SYCP2: variants seen among roughly 807,000 people sequenced by gnomAD.
SYCP2 encodes the protein synaptonemal complex protein 2.
Under a neutral mutation model 211.3 loss-of-function variants are expected in SYCP2, and 55 were observed. That is an observed-to-expected ratio of 0.26 (90% CI 0.21 to 0.33). The LOEUF is 0.33. Ranked by LOEUF, SYCP2 falls within the 10% of genes least tolerant of loss-of-function variation. The pLI is 1.00. For missense variants in SYCP2, 1,731 were observed against 1,752.0 expected (o/e 0.99, Z 0.21); for synonymous variants, 570 against 555.2 (o/e 1.03, Z -0.37).
chr20:59,932,919 T>C (rs1363043363), intron 1 of SYCP2, among the ~76,000 whole-genome samples: 4 of 151,898 alleles, frequency 2.6e-5, no homozygotes, highest in African/African-American at 9.7e-5. Context: ...TTGCGCGCAC[T>C]CCCTTCTTCC....
At chr20:59,912,352 T>TTAAATAAA (rs1491540240) in intron 13 of SYCP2, 21 bp downstream of exon 13, 1 of 909,742 alleles carries the variant, frequency 1.1e-6, no homozygotes, top group East Asian at 2.9e-5. Flanking sequence ...ACTAAAATAA[T>TTAAATAAA]GTGTTAAATT....
chr20:59,893,194 G>A lies in SYCP2; in HGVS notation c.1741C>T (p.Leu581Phe), dbSNP rs760759938. 6.3e-7 allele frequency: 1 copy of A among 1,595,500 alleles called. No individual in the cohort carries two copies. Reference protein sequence around the residue: ...VEFPNQNFSELQDVIPDSQAA... With the variant: ...VEFPNQNFSEFQDVIPDSQAA... ...TGTGAATCTGGTATAACATCCTGGA[G>A]TTCACCTAAATAAAACAAATATTAT... Residue 581 changes from leucine (L) to phenylalanine (F), a missense_variant, in exon 22 of 45, where the codon CTC becomes TTC. Around this residue, in one of 3 missense-constraint regions of SYCP2, gnomAD observed 1,387 missense variants for 1,351.3 expected, o/e 1.03. Coordinates refer to ENST00000357552, the MANE Select transcript of SYCP2 (RefSeq NM_014258.4).
chr20:59,919,493 C>T lies in SYCP2; in HGVS notation c.402G>A (p.Leu134=). ...TCAGTGTAATCAATGTGATTTTTAC[C>T]AGCAGAAGATCAACTAAGTCTTCTA... The part of the protein sequence containing the change: ...NMIEDLVDLL[L]VIHDVSDEGK... Residue 134 remains leucine (L), a splice_region_variant and synonymous_variant, in exon 6 of 45, where the codon CTG becomes CTA. Transcript: ENST00000357552. The T allele has an allele frequency of 1.3e-6, 2 of 1,562,258 alleles. No individual in the cohort carries two copies. Among genetic ancestry groups the T allele is most frequent in the South Asian group, 1.1e-5 (1 of 88,262 alleles).
In SYCP2 at chr20:59,878,033, T is replaced by C; in HGVS notation, c.2954A>G (p.Glu985Gly). The C allele has an allele frequency of 8.1e-6, 13 of 1,606,170 alleles. No individual in the cohort carries two copies. The highest frequency in any genetic ancestry group is 1.1e-5 in the Non-Finnish European group (13 of 1,175,448). The change falls in exon 32 of 45, where the codon GAA (glutamate) becomes GGA (glycine). Residue 985 changes from glutamate to glycine, a missense_variant. Coordinates refer to ENST00000357552, the MANE Select transcript of SYCP2 (RefSeq NM_014258.4). The stretch of plus-strand genomic sequence containing the variant: ...CATTTTAGAGCTTGGCTGTCCCTTT[T>C]CCAAGGATGATCCTGTAATTCAGAA... The part of the protein sequence containing the change: ...HKSGKSRSSL[E>G]KGQPSSKMTP...
rs370201895 is a variant in SYCP2, at chr20:59,900,180, G to A, written c.1362C>T (p.Ile454=). ...TTCTATTCCCTTTGTCACTGTTTTT[G>A]ATATATTTTGAAGGTTTAGCAAATT... ...PKEFAKPSKY[I]KNSDKGNRNN... The change falls in exon 18 of 45, where the codon ATC becomes ATT. Residue 454 remains isoleucine (I), a synonymous_variant. Coordinates refer to ENST00000357552, the MANE Select transcript of SYCP2 (RefSeq NM_014258.4). 6 of 1,612,888 alleles carry A rather than the reference G, an allele frequency of 3.7e-6. No individual in the cohort carries two copies. The African/African-American group carries it at 8.0e-5, about 22-fold the overall frequency.
Position 59,933,538 on chromosome 20 carries a change from G to A in SYCP2, c.-140+31C>T, listed in dbSNP as rs751854146. On this transcript the variant is annotated intron_variant, in intron 1 of 44. Transcript: ENST00000357552. ...CCTCCCTCCGCGCCCCGCCGTGGGGGAAGCCCACCCAGGCACTCTGCTCAA... is the reference window on the plus strand; with the variant it reads ...CCTCCCTCCGCGCCCCGCCGTGGGGAAAGCCCACCCAGGCACTCTGCTCAA... The A allele has an allele frequency of 2.4e-3, 360 of 152,264 alleles. 1 individual carries two copies. Among genetic ancestry groups the A allele is most frequent in the Non-Finnish European group, 1.9e-3 (132 of 68,070 alleles). The allele number at this position is 152,264 out of a possible 1,614,324, so 9.4% of individuals were successfully genotyped here.
intron 24 of SYCP2, among the ~76,000 whole-genome samples, chr20:59,887,757 A>G (rs1470776652): frequency 1.3e-5 from 2 of 152,132 alleles, no homozygotes; most frequent in Non-Finnish European, 2.9e-5. Flanking sequence ...TTCTTTGAAA[A>G]GATCAATAAA....
intron 16 of SYCP2, 58 bp from the exon 17 acceptor site, chr20:59,900,876 A>G (rs2060103537): frequency 8.1e-7 from 1 of 1,234,674 alleles, no homozygotes; most frequent in Non-Finnish European, 1.2e-6. Flanking sequence ...CCACTTTTTC[A>G]TATGTCATTT....
At chr20:59,879,378 T>C (rs925019824) in intron 31 of SYCP2, among the ~76,000 whole-genome samples, 10 of 150,184 alleles carry the variant, frequency 6.7e-5, no homozygotes, top group Non-Finnish European at 1.2e-4. Flanking sequence ...TTCAGCTTCA[T>C]TTCTAAACAC....
chr20:59,900,228 C>T lies in SYCP2; in HGVS notation c.1314G>A (p.Lys438=). Residue 438 remains lysine (K), a synonymous_variant, in exon 18 of 45, where the codon AAG becomes AAA. Coordinates refer to ENST00000357552, the MANE Select transcript of SYCP2 (RefSeq NM_014258.4). ...ATTCCTTTGGGGACTTTGATTTTTC[C>T]TTTAAACTAACGAGCTCTTCTCCGA... ...SPVGEELVSL[K]EKSKSPKEFA... 1 of 1,612,622 alleles carries T rather than the reference C, an allele frequency of 6.2e-7. No homozygotes were observed. The highest frequency in any genetic ancestry group is 1.1e-5 in the South Asian group (1 of 90,994).
At chr20:59,905,630 A>G (rs1227474869) in intron 15 of SYCP2, among the ~76,000 whole-genome samples, 1 of 152,188 alleles carries the variant, frequency 6.6e-6, no homozygotes, top group East Asian at 1.9e-4. Flanking sequence ...AAAGAAGTAC[A>G]AAGAAATTTT....
chr20:59,866,741 G>C lies in SYCP2; in HGVS notation c.4126-152C>G, dbSNP rs753930222. On this transcript the variant is annotated intron_variant, in intron 39 of 44. Coordinates refer to ENST00000357552, the MANE Select transcript of SYCP2 (RefSeq NM_014258.4). ...TAAAAACTCAGTTATTTAAACTGAA[G>C]TGTTAATAGACACTGCTCTGAGTGA... 1.5e-5 allele frequency: 9 copies of C among 596,094 alleles called. No individual in the cohort carries two copies. In the African/African-American group the frequency reaches 1.7e-4, roughly 11 times the overall value. 36.9% of individuals were successfully genotyped at this position (596,094 alleles called of 1,614,324 possible).
chr20:59,922,590 C>T, intron 2 of SYCP2, 131 bp from the exon 3 acceptor site: 1 of 447,604 alleles, frequency 2.2e-6, no homozygotes. Flanking sequence ...TCACTAAACA[C>T]CTGTTTATTA....
At position 59,895,453 on chromosome 20, in the gene SYCP2, C is replaced by A; in HGVS notation, c.1649G>T (p.Arg550Ile). The change falls in exon 20 of 45, where the codon AGA (arginine) becomes ATA (isoleucine). Residue 550 changes from arginine (R) to isoleucine (I), a missense_variant. Arg to Ile is a moderately conservative substitution (Grantham distance 97, BLOSUM62 -3). Around this residue, in one of 3 missense-constraint regions of SYCP2, gnomAD observed 1,387 missense variants for 1,351.3 expected, o/e 1.03. Coordinates refer to ENST00000357552, the MANE Select transcript of SYCP2 (RefSeq NM_014258.4). ...TAAAGTTACTTTGTCTATATTATCT[C>A]TTCTATGTCTTCCTTCTGATGATCT... ...KSRSSEGRHRRDNIDKHIKTA... is the reference protein window; with the variant it reads ...KSRSSEGRHRIDNIDKHIKTA... 1 of 1,609,424 alleles carries A rather than the reference C, an allele frequency of 6.2e-7. No homozygotes were observed.
chr20:59,867,281 G>A (rs1333170156), intron 39 of SYCP2, among the ~76,000 whole-genome samples: 1 of 151,438 alleles, frequency 6.6e-6, no homozygotes, highest in Non-Finnish European at 1.5e-5. Context: ...TTATCTCACT[G>A]GAACCTCAAA....
intron 38 of SYCP2, among the ~76,000 whole-genome samples, 187 bp from the exon 39 acceptor site, chr20:59,868,034 A>T (rs1032666443): frequency 4.6e-5 from 7 of 151,840 alleles, no homozygotes; most frequent in Non-Finnish European, 8.8e-5. Context: ...CTGATTTATA[A>T]AACAAACTTT....
At chr20:59,932,513 T>G (rs1013090753) in intron 1 of SYCP2, among the ~76,000 whole-genome samples, 1 of 151,992 alleles carries the variant, frequency 6.6e-6, no homozygotes, top group East Asian at 1.9e-4. Context: ...CCGTCTCTAC[T>G]AAAAATACAA....
chr20:59,892,202 C>G lies in SYCP2; in HGVS notation c.2152G>C (p.Val718Leu), dbSNP rs1358250470. 6.2e-7 allele frequency: 1 copy of G among 1,612,690 alleles called. No homozygotes were observed. The highest frequency in any genetic ancestry group is 8.5e-7 in the Non-Finnish European group (1 of 1,179,164). The change falls in exon 24 of 45, where the codon GTT (valine) becomes CTT (leucine). Residue 718 changes from valine (V) to leucine (L), a missense_variant. Val to Leu is a conservative substitution (Grantham distance 32). This residue lies in a region of SYCP2 where 1,387 missense variants were observed against 1,351.3 expected (regional missense o/e 1.03). Coordinates refer to ENST00000357552, the MANE Select transcript of SYCP2 (RefSeq NM_014258.4). ...GATTTAAAAGTAGTTTCAGATTCAA[C>G]AGGCCAATCACTCTGCTTGGCATTT... Reference protein sequence around the residue: ...TENAKQSDWPVESETTFKSVL... With the variant: ...TENAKQSDWPLESETTFKSVL...
At chr20:59,932,879 G>A (rs2145929467) in intron 1 of SYCP2, among the ~76,000 whole-genome samples, 1 of 152,240 alleles carries the variant, frequency 6.6e-6, no homozygotes, top group South Asian at 2.1e-4. Context: ...GGGAGAGAAG[G>A]GACTGAAGGC....
Sources: allele counts gnomAD v4.1 joint callset (sites outside exome capture counted in the v4.1 genomes callset), GRCh38; gene constraint gnomAD v4.1.1; regional missense constraint gnomAD v4.1.1; transcripts MANE v1.5; gene names NCBI Gene and HGNC (gene_info 2026-07-23, HGNC 2026-07-21).